ARHGEF38: variants seen among roughly 807,000 people sequenced by gnomAD.
ARHGEF38 encodes the protein Rho guanine nucleotide exchange factor (GEF) 38.
A neutral mutation model predicts 79.9 loss-of-function variants in ARHGEF38; 79 were observed. The ratio of observed to expected loss-of-function variants is 0.99; its 90% confidence interval spans 0.82 to 1.19. The LOEUF (loss-of-function observed/expected upper bound fraction) is 1.19. ARHGEF38 is among the 50% of genes most tolerant of loss of function. The probability of loss-of-function intolerance (pLI) is 0.00; values close to 1 mark genes in which losing one functional copy is unlikely to be tolerated. For missense variants in ARHGEF38, 962 were observed against 907.2 expected, an observed-to-expected ratio of 1.06 and a Z score of -0.78; for synonymous variants, 366 against 328.3, an observed-to-expected ratio of 1.11 and a Z score of -1.24.
intron 3 of ARHGEF38, among the ~76,000 whole-genome samples, chr4:105,618,903 G>C (rs1728624967): frequency 6.6e-6 from 1 of 152,146 alleles, no homozygotes; most frequent in Non-Finnish European, 1.5e-5. Context: ...TGATATGTAA[G>C]ATGTTAATAT....
At chr4:105,603,182 G>C (rs918837302) in intron 2 of ARHGEF38, among the ~76,000 whole-genome samples, 2 of 152,094 alleles carry the variant, frequency 1.3e-5, no homozygotes, top group African/African-American at 4.8e-5. Context: ...CTTATTAGGA[G>C]CCAAGCATTA....
Position 105,667,469 on chromosome 4 carries a change from C to A in ARHGEF38, c.1914C>A (p.Ser638=). ...TGNVKGYVYS[S]FLKPYNPAKM... ...ATGTGAAAGGATATGTTTATTCCTC[C>A]TTCCTAAAACCCTACAATCCAGCAA... Residue 638 remains serine, a synonymous_variant, in exon 13 of 14, where the codon TCC becomes TCA. Transcript: ENST00000420470. The A allele has an allele frequency of 6.5e-7, 1 of 1,536,144 alleles. No individual in the cohort carries two copies. The highest frequency in any genetic ancestry group is 8.7e-7 in the Non-Finnish European group (1 of 1,146,910).
At chr4:105,601,960 C>T (rs1727841171) in intron 2 of ARHGEF38, among the ~76,000 whole-genome samples, 2 of 152,130 alleles carry the variant, frequency 1.3e-5, no homozygotes, top group African/African-American at 4.8e-5. Flanking sequence ...AATTTTGTCT[C>T]ATTTGTTCAC....
At chr4:105,597,337 G>A (rs1366305860) in intron 2 of ARHGEF38, among the ~76,000 whole-genome samples, 4 of 152,162 alleles carry the variant, frequency 2.6e-5, no homozygotes, top group Non-Finnish European at 4.4e-5. Flanking sequence ...ATGAATTTTC[G>A]ATGGTCACAG....
intron 1 of ARHGEF38, among the ~76,000 whole-genome samples, chr4:105,569,360 A>G (rs377667179): frequency 4.5e-4 from 69 of 152,290 alleles, no homozygotes; most frequent in African/African-American, 1.4e-3. Flanking sequence ...TGTTGAACCG[A>G]CTTTGTAGCA....
chr4:105,554,838 G>C (rs1315281993), intron 1 of ARHGEF38, among the ~76,000 whole-genome samples: 5 of 151,998 alleles, frequency 3.3e-5, no homozygotes, highest in African/African-American at 1.2e-4. Context: ...AATATTAATC[G>C]AAGTTTGTAT....
At chr4:105,596,618 C>T (rs1184151059) in intron 2 of ARHGEF38, among the ~76,000 whole-genome samples, 1 of 152,184 alleles carries the variant, frequency 6.6e-6, no homozygotes, top group East Asian at 1.9e-4. Flanking sequence ...GCATTTTAAG[C>T]TATATTTACT....
Position 105,659,125 on chromosome 4 carries a change from G to T in ARHGEF38, c.1305G>T (p.Lys435Asn). ...TGTCCTTATTCCCAGGGCCTCACAAGCTCATCCAGAAACGCTATGACAAAC... is the reference window on the plus strand; with the variant it reads ...TGTCCTTATTCCCAGGGCCTCACAATCTCATCCAGAAACGCTATGACAAAC... ...ALLSLFPGPH[K>N]LIQKRYDKLL... Residue 435 changes from lysine (K) to asparagine (N), a missense_variant, in exon 10 of 14, where the codon AAG becomes AAT. Physicochemically the swap from Lys to Asn is moderately conservative, Grantham distance 94. Coordinates refer to ENST00000420470, the MANE Select transcript of ARHGEF38 (RefSeq NM_001242729.2). 1.3e-6 allele frequency: 2 copies of T among 1,536,120 alleles called. No homozygotes were observed. Among genetic ancestry groups the T allele is most frequent in the Non-Finnish European group, 1.7e-6 (2 of 1,146,884 alleles).
intron 1 of ARHGEF38, among the ~76,000 whole-genome samples, chr4:105,575,904 G>T (rs990584816): frequency 2.6e-5 from 4 of 152,072 alleles, no homozygotes. Flanking sequence ...ATTAAATAGA[G>T]TTTCCTTTTC....
At chr4:105,650,419 T>A (rs569930305) in intron 7 of ARHGEF38, among the ~76,000 whole-genome samples, 2 of 152,274 alleles carry the variant, frequency 1.3e-5, no homozygotes, top group South Asian at 4.1e-4. Flanking sequence ...CTGCCCTAAA[T>A]CATTTCAGGG....
At chr4:105,624,886 G>C in intron 3 of ARHGEF38, among the ~76,000 whole-genome samples, 1 of 152,188 alleles carries the variant, frequency 6.6e-6, no homozygotes, top group East Asian at 1.9e-4. Flanking sequence ...AGCTGTGTGT[G>C]TCACTCAGGG....
intron 5 of ARHGEF38, among the ~76,000 whole-genome samples, chr4:105,639,458 A>T (rs1415599372): frequency 6.6e-6 from 1 of 151,940 alleles, no homozygotes; most frequent in Non-Finnish European, 1.5e-5. Flanking sequence ...AAATTCCAAC[A>T]TTAGTTTATA....
chr4:105,603,552 T>C (rs1245429577), intron 2 of ARHGEF38, among the ~76,000 whole-genome samples: 1 of 152,174 alleles, frequency 6.6e-6, no homozygotes, highest in South Asian at 2.1e-4. Flanking sequence ...AGATTCTCTC[T>C]TGAAAGCCAC....
intron 1 of ARHGEF38, among the ~76,000 whole-genome samples, chr4:105,586,994 G>A (rs957802751): frequency 7.3e-5 from 11 of 150,834 alleles, no homozygotes; most frequent in African/African-American, 2.4e-4. Flanking sequence ...AAAAGAAAGG[G>A]CCACAATGCA....
At chr4:105,604,957 A>G (rs1727978608) in intron 2 of ARHGEF38, among the ~76,000 whole-genome samples, 1 of 152,166 alleles carries the variant, frequency 6.6e-6, no homozygotes, top group African/African-American at 2.4e-5. Flanking sequence ...AACAATATAA[A>G]TCATAGTGTT....
intron 8 of ARHGEF38, among the ~76,000 whole-genome samples, chr4:105,655,221 GT>G (rs1313091554): frequency 6.6e-6 from 1 of 152,158 alleles, no homozygotes; most frequent in African/African-American, 2.4e-5. Flanking sequence ...AACAAAAAAT[GT>G]AAGCATTTTC....
chr4:105,648,775 A>G, intron 7 of ARHGEF38, 93 bp downstream of exon 7: 1 of 1,294,072 alleles, frequency 7.7e-7, no homozygotes, highest in Non-Finnish European at 1.0e-6. Flanking sequence ...TATTTCTAGA[A>G]TACTGAGAAT....
chr4:105,612,662 T>C (rs1347293826), intron 2 of ARHGEF38, among the ~76,000 whole-genome samples: 1 of 152,134 alleles, frequency 6.6e-6, no homozygotes, highest in Non-Finnish European at 1.5e-5. Context: ...CTGAGGATAG[T>C]TGTCCATCCC....
intron 1 of ARHGEF38, among the ~76,000 whole-genome samples, chr4:105,560,991 A>T (rs1195666623): frequency 6.6e-6 from 1 of 152,164 alleles, no homozygotes; most frequent in Non-Finnish European, 1.5e-5. Flanking sequence ...CCCCTCCCAG[A>T]TAAAAACAAG....
Sources: allele counts gnomAD v4.1 joint callset (sites outside exome capture counted in the v4.1 genomes callset), GRCh38; gene constraint gnomAD v4.1.1; transcripts MANE v1.5; gene names NCBI Gene and HGNC (gene_info 2026-07-23, HGNC 2026-07-21).